RIPOR3: variants seen among roughly 807,000 people sequenced by gnomAD.
The protein encoded by RIPOR3 is RIPOR family member 3, also known as family with sequence similarity 65 member C.
Under a neutral mutation model 114.3 loss-of-function variants are expected in RIPOR3, and 95 were observed. The observed-to-expected ratio is 0.83, with a 90% CI of 0.70 to 0.99. RIPOR3 has a LOEUF of 0.99. Among genes scored for constraint, RIPOR3 ranks in the 50% least tolerant of loss-of-function variants. RIPOR3 has a pLI of 0.00. For missense variants in RIPOR3, 1,252 were observed against 1,266.9 expected, an observed-to-expected ratio of 0.99 and a Z score of 0.18; for synonymous variants, 575 against 543.8, an observed-to-expected ratio of 1.06 and a Z score of -0.80.
chr20:50,660,964 G>A (rs2085975350), intron 1 of RIPOR3, among the ~76,000 whole-genome samples: 1 of 151,824 alleles, frequency 6.6e-6, no homozygotes, highest in Non-Finnish European at 1.5e-5. Flanking sequence ...GAGGCCGGGT[G>A]CGGTGTCTCA....
At chr20:50,678,475 C>T (rs2086748757) in intron 1 of RIPOR3, among the ~76,000 whole-genome samples, 1 of 152,310 alleles carries the variant, frequency 6.6e-6, no homozygotes, top group South Asian at 2.1e-4. Flanking sequence ...TCTCCTCGTT[C>T]TGCAGGCTCC....
chr20:50,619,613 C>T (rs1568872712), intron 3 of RIPOR3, among the ~76,000 whole-genome samples: 1 of 152,248 alleles, frequency 6.6e-6, no homozygotes, highest in Non-Finnish European at 1.5e-5. Flanking sequence ...CCTTTGCCCA[C>T]ACTGTTGCCT....
chr20:50,645,654 C>T (rs1261005360), intron 1 of RIPOR3: 1 of 152,922 alleles, frequency 6.5e-6, no homozygotes, highest in Admixed American at 6.5e-5. Flanking sequence ...CCACACCTGA[C>T]CATTTGCCTA....
At chr20:50,604,895 A>C in intron 11 of RIPOR3, 121 bp from the exon 12 acceptor site, 1 of 1,218,814 alleles carries the variant, frequency 8.2e-7, no homozygotes, top group East Asian at 2.7e-5. Context: ...ATACAATAGC[A>C]TGGATGGTGT....
chr20:50,672,857 T>C (rs533397212), intron 1 of RIPOR3, among the ~76,000 whole-genome samples: 19 of 152,260 alleles, frequency 1.2e-4, no homozygotes, highest in Admixed American at 7.2e-4. Context: ...GCTGGAGCCA[T>C]GTGAGCAGAA....
At chr20:50,684,894 G>A (rs1568972227) in intron 1 of RIPOR3, among the ~76,000 whole-genome samples, 2 of 152,162 alleles carry the variant, frequency 1.3e-5, no homozygotes, top group Non-Finnish European at 2.9e-5. Context: ...TCCTACCTCA[G>A]TTTCCCGAGT....
intron 16 of RIPOR3, 194 bp from the exon 17 acceptor site, chr20:50,594,908 C>T: frequency 1.7e-6 from 1 of 578,090 alleles, no homozygotes; most frequent in Admixed American, 3.0e-5. Context: ...AGGGCCACCA[C>T]CTGCAGTCCC....
rs8119168 is a variant in RIPOR3, at chr20:50,636,660, C to T, written c.4-5804G>A. The T allele has an allele frequency of 4.1e-3, 4,080 of 985,530 alleles. 143 individuals are homozygous for T. The African/African-American group carries it at 0.065, about 16-fold the overall frequency. 61.0% of individuals were successfully genotyped at this position (985,530 alleles called of 1,614,324 possible). A position where few individuals can be genotyped will look rare whatever the true frequency, so the allele number is the denominator to read the frequency against. On this transcript the variant is annotated intron_variant, in intron 1 of 21. Transcript: ENST00000327979. Reference sequence around the variant, plus strand: ...CTGGCCTGGCACTTAGAACTGATGCCGTTCAGACCCGGCTGGTGTGTGCAG... The same window carrying T: ...CTGGCCTGGCACTTAGAACTGATGCTGTTCAGACCCGGCTGGTGTGTGCAG...
chr20:50,670,725 C>CTGTA (rs1371628918), intron 1 of RIPOR3, among the ~76,000 whole-genome samples: 2 of 152,106 alleles, frequency 1.3e-5, no homozygotes, highest in Non-Finnish European at 2.9e-5. Context: ...AATTCCAACC[C>CTGTA]TGCGTGGCAG....
At chr20:50,597,432 G>C in intron 14 of RIPOR3, 148 bp downstream of exon 14, 1 of 1,166,686 alleles carries the variant, frequency 8.6e-7, no homozygotes, top group Non-Finnish European at 1.2e-6. Flanking sequence ...TGCGGGGATG[G>C]CATGGGGAAG....
intron 2 of RIPOR3, among the ~76,000 whole-genome samples, chr20:50,629,025 C>G (rs1463013699): frequency 6.6e-6 from 1 of 152,120 alleles, no homozygotes; most frequent in African/African-American, 2.4e-5. Flanking sequence ...TAGCAGGAAG[C>G]CAATGCCTGC....
intron 1 of RIPOR3, among the ~76,000 whole-genome samples, chr20:50,652,825 C>T (rs1249634318): frequency 6.6e-6 from 1 of 152,128 alleles, no homozygotes; most frequent in Non-Finnish European, 1.5e-5. Context: ...AACTGAAACC[C>T]TGGTACGCTA....
intron 13 of RIPOR3, among the ~76,000 whole-genome samples, chr20:50,600,632 T>C (rs2083460338): frequency 1.3e-5 from 2 of 152,050 alleles, no homozygotes; most frequent in African/African-American, 2.4e-5. Context: ...TGGTGATGTG[T>C]GCCTGTAGCC....
Position 50,643,292 on chromosome 20 carries a change from T to G in RIPOR3, c.4-12436A>C, listed in dbSNP as rs1230371844. Among the ~76,000 whole-genome samples, 4 of 89,328 alleles carry G rather than the reference T, an allele frequency of 4.5e-5. No individual in the cohort carries two copies. The East Asian group carries it at 7.4e-4, about 17-fold the overall frequency. The allele number at this position is 89,328 out of a possible 152,430, so 58.6% of individuals were successfully genotyped here. ...GTGCACCACTAGGCCAGGCTAATTT[T>G]TGTGTGTGTTTTTTTTTTTTTTTTA... On this transcript the variant is annotated intron_variant, in intron 1 of 21. Coordinates refer to ENST00000327979, the MANE Select transcript of RIPOR3 (RefSeq NM_001290268.2).
chr20:50,672,143 A>G (rs1018166579), intron 1 of RIPOR3, among the ~76,000 whole-genome samples: 2 of 152,130 alleles, frequency 1.3e-5, no homozygotes, highest in Admixed American at 1.3e-4. Flanking sequence ...GTAAGTCCCG[A>G]TGGGGCTGTG....
intron 1 of RIPOR3, among the ~76,000 whole-genome samples, chr20:50,660,568 C>A (rs928903078): frequency 2.5e-4 from 38 of 152,056 alleles, no homozygotes; most frequent in African/African-American, 8.7e-4. Flanking sequence ...ACCTCCATAG[C>A]CCAACACCTC....
chr20:50,611,284 C>A (rs558606151), intron 4 of RIPOR3, 80 bp from the exon 5 acceptor site: 2 of 1,590,526 alleles, frequency 1.3e-6, no homozygotes, highest in African/African-American at 1.3e-5. Context: ...TCTATGCTGG[C>A]GGCGCCTGAG....
At chr20:50,632,926 C>T (rs570712210) in intron 1 of RIPOR3, among the ~76,000 whole-genome samples, 16 of 152,330 alleles carry the variant, frequency 1.1e-4, no homozygotes, top group African/African-American at 3.8e-4. Context: ...AGGTCCCCTA[C>T]AGTCCCCTCC....
chr20:50,682,750 G>A (rs954942287), intron 1 of RIPOR3, among the ~76,000 whole-genome samples: 5 of 147,668 alleles, frequency 3.4e-5, no homozygotes, highest in Admixed American at 1.4e-4. Flanking sequence ...TTTTTGAGAC[G>A]GAGTTTCGCA....
Sources: allele counts gnomAD v4.1 joint callset (sites outside exome capture counted in the v4.1 genomes callset), GRCh38; gene constraint gnomAD v4.1.1; transcripts MANE v1.5; gene names NCBI Gene and HGNC (gene_info 2026-07-23, HGNC 2026-07-21).